TTLL5: variants seen among roughly 807,000 people sequenced by gnomAD.
TTLL5 encodes tubulin tyrosine ligase like 5.
A neutral mutation model predicts 168.4 loss-of-function variants in TTLL5; 132 were observed. That is an observed-to-expected ratio of 0.78 (90% CI 0.68 to 0.91). TTLL5 has a LOEUF of 0.91. Among genes scored for constraint, TTLL5 ranks in the 40% least tolerant of loss-of-function variants. The pLI is 0.00. For missense variants in TTLL5, 1,545 were observed against 1,581.5 expected (o/e 0.98, Z 0.39); for synonymous variants, 546 against 558.6 (o/e 0.98, Z 0.32).
chr14:75,818,969 A>G (rs908678830), intron 27 of TTLL5, among the ~76,000 whole-genome samples: 6 of 152,168 alleles, frequency 3.9e-5, no homozygotes, highest in Non-Finnish European at 7.3e-5. Context: ...TGGCAGTTGA[A>G]AAACTATGGT....
chr14:75,848,650 C>T (rs538337570), intron 28 of TTLL5, among the ~76,000 whole-genome samples: 2 of 152,178 alleles, frequency 1.3e-5, no homozygotes, highest in South Asian at 4.1e-4. Flanking sequence ...ATGTGGTATG[C>T]TGGTTATGCC....
At chr14:75,879,722 T>G (rs2031698970) in intron 29 of TTLL5, among the ~76,000 whole-genome samples, 1 of 152,206 alleles carries the variant, frequency 6.6e-6, no homozygotes, top group Non-Finnish European at 1.5e-5. Context: ...GAGGTACATT[T>G]GACCGCAAGC....
chr14:75,744,084 C>T (rs549687668), intron 15 of TTLL5, among the ~76,000 whole-genome samples: 1 of 152,228 alleles, frequency 6.6e-6, no homozygotes, highest in South Asian at 2.1e-4. Flanking sequence ...AGTTAGTTAC[C>T]ACAATGCCTT....
At chr14:75,856,137 C>T (rs1897112407) in intron 28 of TTLL5, among the ~76,000 whole-genome samples, 1 of 152,166 alleles carries the variant, frequency 6.6e-6, no homozygotes, top group South Asian at 2.1e-4. Flanking sequence ...CCGAGGCGGG[C>T]TGATCACCTG....
rs371127396 is a variant in TTLL5, at chr14:75,745,826, T to G, written c.1487+245T>G. Among the ~76,000 whole-genome samples the G allele has an allele frequency of 1.4e-4, 22 of 152,306 alleles. 1 individual carries two copies. The highest frequency in any genetic ancestry group is 5.3e-4 in the African/African-American group (22 of 41,560). On this transcript the variant is annotated intron_variant, in intron 17 of 31. Coordinates refer to ENST00000298832, the MANE Select transcript of TTLL5 (RefSeq NM_015072.5). ...AGCTTCCTATCCCAGGGTTAGGGAC[T>G]GTCCTAAACTTTGTGTTTATCATTA...
intron 31 of TTLL5, among the ~76,000 whole-genome samples, chr14:75,924,779 G>A (rs1041692059): frequency 2.6e-5 from 4 of 151,950 alleles, no homozygotes; most frequent in Admixed American, 2.0e-4. Flanking sequence ...ATCCCGGCCC[G>A]CTCTCAATGA....
chr14:75,862,539 G>A (rs1395190285), intron 28 of TTLL5, among the ~76,000 whole-genome samples: 1 of 152,048 alleles, frequency 6.6e-6, no homozygotes, highest in East Asian at 1.9e-4. Context: ...GAATGAAGTA[G>A]TATAAATGGG....
At position 75,954,415 on chromosome 14, in the gene TTLL5, C is replaced by T. The variant is rs2035054057; in HGVS notation, c.3824-9C>T. The T allele has an allele frequency of 6.2e-7, 1 of 1,613,958 alleles. No individual in the cohort carries two copies. Among genetic ancestry groups the T allele is most frequent in the African/African-American group, 1.3e-5 (1 of 75,006 alleles). ...TCATTCATTTCATGGTTGCCTTTCT[C>T]TTTTTCAGATCCTGCTCACACTAAA... On this transcript the variant is annotated splice_polypyrimidine_tract_variant and intron_variant, in intron 31 of 31. Coordinates refer to ENST00000298832, the MANE Select transcript of TTLL5 (RefSeq NM_015072.5).
intron 19 of TTLL5, among the ~76,000 whole-genome samples, chr14:75,765,795 C>T (rs1594996453): frequency 6.6e-6 from 1 of 151,982 alleles, no homozygotes; most frequent in South Asian, 2.1e-4. Flanking sequence ...CCCAGGATGT[C>T]GAGCTGTAAT....
chr14:75,952,950 A>G (rs2140226007), intron 31 of TTLL5, among the ~76,000 whole-genome samples: 1 of 152,350 alleles, frequency 6.6e-6, no homozygotes, highest in East Asian at 1.9e-4. Flanking sequence ...TGACGGATGC[A>G]CAACTCTGAA....
intron 27 of TTLL5, among the ~76,000 whole-genome samples, chr14:75,811,464 A>G (rs1894023536): frequency 6.6e-6 from 1 of 152,126 alleles, no homozygotes; most frequent in African/African-American, 2.4e-5. Flanking sequence ...TTTTAGGCCC[A>G]GCCCAGATGC....
chr14:75,745,334 G>T (rs1889538087), intron 16 of TTLL5, 126 bp downstream of exon 16: 1 of 1,216,058 alleles, frequency 8.2e-7, no homozygotes, highest in Non-Finnish European at 1.2e-6. Context: ...CAAGATTGGA[G>T]AAATGTTTTC....
At chr14:75,902,268 A>T (rs1286658970) in intron 31 of TTLL5, 44 bp downstream of exon 31, 2 of 1,599,320 alleles carry the variant, frequency 1.3e-6, no homozygotes, top group Non-Finnish European at 1.7e-6. Context: ...GATGACAGGG[A>T]AGGTGTTGGG....
chr14:75,694,455 A>G (rs972705196), intron 6 of TTLL5, among the ~76,000 whole-genome samples: 2 of 151,726 alleles, frequency 1.3e-5, no homozygotes, highest in South Asian at 4.2e-4. Flanking sequence ...TTCTGCCTCA[A>G]CCTCCTGAGT....
At chr14:75,717,727 G>A (rs1887566207) in intron 9 of TTLL5, 134 bp from the exon 10 acceptor site, 2 of 743,590 alleles carry the variant, frequency 2.7e-6, no homozygotes, top group Non-Finnish European at 4.4e-6. Flanking sequence ...ATGGGAGTTA[G>A]CACTTAGTAG....
rs192065300 is a variant in TTLL5, at chr14:75,664,274, A to C, written c.74+1051A>C. Among the ~76,000 whole-genome samples, 4 of 152,300 alleles carry C rather than the reference A, an allele frequency of 2.6e-5. No individual in the cohort carries two copies. In the East Asian group the frequency reaches 7.7e-4, roughly 29 times the overall value. ...AAGTGATGCATTGAGATTTGGACTT[A>C]GCTTTTCTGGATTTTGATCACTTTG... On this transcript the variant is annotated intron_variant, in intron 2 of 31. Coordinates refer to ENST00000298832, the MANE Select transcript of TTLL5 (RefSeq NM_015072.5).
chr14:75,932,135 G>A (rs2034296507), intron 31 of TTLL5, among the ~76,000 whole-genome samples: 1 of 152,178 alleles, frequency 6.6e-6, no homozygotes, highest in South Asian at 2.1e-4. Flanking sequence ...TAAATTATGG[G>A]TATTTTAACA....
At chr14:75,785,251 G>A (rs980942529) in intron 26 of TTLL5, among the ~76,000 whole-genome samples, 1 of 148,648 alleles carries the variant, frequency 6.7e-6, no homozygotes, top group Non-Finnish European at 1.5e-5. Flanking sequence ...CACGATCTCG[G>A]CCCACTGCAT....
chr14:75,734,304 A>T (rs978477660), intron 14 of TTLL5, among the ~76,000 whole-genome samples: 3 of 152,254 alleles, frequency 2.0e-5, no homozygotes, highest in Non-Finnish European at 2.9e-5. Flanking sequence ...ATTAGCAAAG[A>T]TCTGGAGAAA....
Sources: allele counts gnomAD v4.1 joint callset (sites outside exome capture counted in the v4.1 genomes callset), GRCh38; gene constraint gnomAD v4.1.1; transcripts MANE v1.5; gene names NCBI Gene and HGNC (gene_info 2026-07-23, HGNC 2026-07-21).